Variants in MYADML2 observed in about 807,000 individuals in gnomAD.
MYADML2 encodes myeloid-associated differentiation marker-like protein 2.
In MYADML2, 17 loss-of-function variants were observed where a neutral mutation model predicts 16.0. The ratio of observed to expected loss-of-function variants is 1.06; its 90% CI spans 0.73 to 1.60. The LOEUF is 1.60. Ranked by LOEUF, MYADML2 falls within the 40% of genes most tolerant of loss-of-function variation. The pLI, the probability that MYADML2 is intolerant of heterozygous loss-of-function variation, is 0.00. For missense variants in MYADML2, 422 were observed against 437.7 expected (o/e 0.96, Z 0.32); for synonymous variants, 210 against 208.1 (o/e 1.01, Z -0.08).
At chr17:81,943,143 C>T (rs1368527163) in intron 1 of MYADML2, among the ~76,000 whole-genome samples, 2 of 151,224 alleles carry the variant, frequency 1.3e-5, no homozygotes, top group East Asian at 3.9e-4. Flanking sequence ...GATCTCTGCT[C>T]ACTGCAAGCT....
Position 81,940,605 on chromosome 17 carries a change from C to A in MYADML2, c.*213G>T, listed in dbSNP as rs190639061. 5.4e-6 allele frequency: 3 copies of A among 553,750 alleles called. No individual in the cohort carries two copies. The highest frequency in any genetic ancestry group is 6.3e-6 in the Non-Finnish European group (2 of 315,728). 34.3% of individuals were successfully genotyped at this position (553,750 alleles called of 1,614,324 possible). A position where few individuals can be genotyped will look rare whatever the true frequency, so the allele number is the denominator to read the frequency against. ...TTGGCCTAGGTGAGGCTCTCCCCTG[C>A]GTCTGCTCAGGGCCTCTGCCCTACT... On this transcript the variant is annotated 3_prime_UTR_variant, in exon 3 of 3. Coordinates refer to ENST00000409745, the MANE Select transcript of MYADML2 (RefSeq NM_001145113.3).
Position 81,941,602 on chromosome 17 carries a change from G to A in MYADML2, c.140C>T (p.Ala47Val), listed in dbSNP as rs1006895670. ...CATGCAGAAGGTGCCCTGGACGCCCGCAAAGCCACCCCGGTGGGCCACCAG... is the reference window on the plus strand; with the variant it reads ...CATGCAGAAGGTGCCCTGGACGCCCACAAAGCCACCCCGGTGGGCCACCAG... ...FSLVAHRGGFAGVQGTFCMAA... is the reference protein window; with the variant it reads ...FSLVAHRGGFVGVQGTFCMAA... The change falls in exon 3 of 3, where the codon GCG (alanine) becomes GTG (valine). Residue 47 changes from alanine to valine, a missense_variant. Coordinates refer to ENST00000409745, the MANE Select transcript of MYADML2 (RefSeq NM_001145113.3). 7 of 1,548,636 alleles carry A rather than the reference G, an allele frequency of 4.5e-6. No individual in the cohort carries two copies. The highest frequency in any genetic ancestry group is 6.1e-6 in the Non-Finnish European group (7 of 1,146,820).
chr17:81,944,107 G>A (rs1160136773), intron 1 of MYADML2, among the ~76,000 whole-genome samples: 7 of 139,710 alleles, frequency 5.0e-5, no homozygotes, highest in African/African-American at 8.2e-5. Context: ...GCTAGATTCC[G>A]TCTCAAAAAA....
chr17:81,945,240 A>T (rs575256668), intron 1 of MYADML2, among the ~76,000 whole-genome samples: 19 of 124,682 alleles, frequency 1.5e-4, no homozygotes, highest in East Asian at 8.1e-4. Flanking sequence ...GTCTATATTT[A>T]AAAAAAAAAA....
chr17:81,944,369 T>G (rs2041328279), intron 1 of MYADML2, among the ~76,000 whole-genome samples: 1 of 146,744 alleles, frequency 6.8e-6, no homozygotes, highest in Non-Finnish European at 1.5e-5. Flanking sequence ...TGAGCTGAGA[T>G]CGCAACAGAG....
At position 81,944,889 on chromosome 17, in the gene MYADML2, A is replaced by G. The variant is rs113817810; in HGVS notation, c.-181+2170T>C. Among the ~76,000 whole-genome samples the G allele has an allele frequency of 2.9e-3, 437 of 152,258 alleles. 3 individuals are homozygous for G. The highest frequency in any genetic ancestry group is 0.01 in the African/African-American group (427 of 41,562). ...GGCGGAATGCTTGGAGGGTCCTGGA[A>G]GCTCCCTGGAGAGGCCTCCAGATGA... is the stretch of plus-strand genomic sequence containing the variant. On this transcript the variant is annotated intron_variant, in intron 1 of 2. Coordinates refer to ENST00000409745, the MANE Select transcript of MYADML2 (RefSeq NM_001145113.3).
In MYADML2 at chr17:81,941,212, A is replaced by G; in HGVS notation, c.530T>C (p.Ile177Thr). The change falls in exon 3 of 3, where the codon ATC becomes ACC. Residue 177 changes from isoleucine to threonine, a missense_variant. Transcript: ENST00000409745. Reference protein sequence around the residue: ...LKIVQAFVACIIFGALVHDSR... With the variant: ...LKIVQAFVACTIFGALVHDSR... The stretch of plus-strand genomic sequence containing the variant: ...GTCATGGACCAGCGCCCCGAAGATG[A>G]TGCAGGCCACGAAGGCCTGGACGAT... The G allele has an allele frequency of 6.5e-7, 1 of 1,550,162 alleles. No homozygotes were observed. The highest frequency in any genetic ancestry group is 8.7e-7 in the Non-Finnish European group (1 of 1,146,922).
At chr17:81,943,655 A>G (rs1229049372) in intron 1 of MYADML2, among the ~76,000 whole-genome samples, 60 of 145,928 alleles carry the variant, frequency 4.1e-4, no homozygotes, top group Middle Eastern at 8.3e-3. Flanking sequence ...CGCCCGCCTC[A>G]GCCTCCCAAA....
chr17:81,941,440 G>T lies in MYADML2; in HGVS notation c.302C>A (p.Thr101Lys), dbSNP rs769718761. Reference sequence around the variant, plus strand: ...GTACAGCGGATACAGGACCGCAGCCGTCGCGCATAGCAGGGTGGCCAGCAT... The same window carrying T: ...GTACAGCGGATACAGGACCGCAGCCTTCGCGCATAGCAGGGTGGCCAGCAT... ...FAMLATLLCA[T>K]AAVLYPLYFA... Residue 101 changes from threonine to lysine, a missense_variant, in exon 3 of 3, where the codon ACG becomes AAG. Thr to Lys is a moderately conservative substitution (Grantham distance 78). Coordinates refer to ENST00000409745, the MANE Select transcript of MYADML2 (RefSeq NM_001145113.3). The T allele has an allele frequency of 1.3e-6, 2 of 1,549,426 alleles. No homozygotes were observed. Among genetic ancestry groups the T allele is most frequent in the African/African-American group, 2.7e-5 (2 of 73,160 alleles).
intron 1 of MYADML2, among the ~76,000 whole-genome samples, chr17:81,943,933 A>G (rs996557862): frequency 6.6e-6 from 1 of 151,226 alleles, no homozygotes; most frequent in Non-Finnish European, 1.5e-5. Flanking sequence ...AACATGGTGA[A>G]ACCCCATCTC....
In MYADML2 at chr17:81,940,695, A is replaced by T; in HGVS notation, c.*123T>A. 9.2e-7 allele frequency: 1 copy of T among 1,086,722 alleles called. No individual in the cohort carries two copies. The highest frequency in any genetic ancestry group is 1.3e-6 in the Non-Finnish European group (1 of 774,914). 67.3% of individuals were successfully genotyped at this position (1,086,722 alleles called of 1,614,324 possible). On this transcript the variant is annotated 3_prime_UTR_variant, in exon 3 of 3. Coordinates refer to ENST00000409745, the MANE Select transcript of MYADML2 (RefSeq NM_001145113.3). ...GGAGTGACCTCTCCCGTTGTACTTC[A>T]TCTCCCCTGAGCCCGCGGCTTCCCT...
Position 81,944,986 on chromosome 17 carries a change from C to T in MYADML2, c.-181+2073G>A, listed in dbSNP as rs568918448. ...TGGGGAAACATAAATAAAGTGTTGG[C>T]GGAGCTCGGTGGCTGACGCCTGTCA... is the stretch of plus-strand genomic sequence containing the variant. On this transcript the variant is annotated intron_variant, in intron 1 of 2. Transcript: ENST00000409745. 4.6e-4 allele frequency among the ~76,000 whole-genome samples: 70 copies of T among 152,100 alleles called. 1 individual carries two copies. The highest frequency in any genetic ancestry group is 4.9e-4 in the Non-Finnish European group (33 of 68,026).
chr17:81,946,303 C>T (rs888888078), intron 1 of MYADML2, among the ~76,000 whole-genome samples: 1 of 151,440 alleles, frequency 6.6e-6, no homozygotes, highest in Non-Finnish European at 1.5e-5. Flanking sequence ...TGCAGTCAGC[C>T]GAGATCGTGC....
chr17:81,943,608 T>C (rs1473432698), intron 1 of MYADML2, among the ~76,000 whole-genome samples: 23 of 149,392 alleles, frequency 1.5e-4, no homozygotes, highest in Non-Finnish European at 2.5e-4. Flanking sequence ...TTTCACCATG[T>C]TAGCCAGGAT....
In MYADML2 at chr17:81,941,091, C is replaced by T. The variant is rs2041298804; in HGVS notation, c.651G>A (p.Met217Ile). 1 of 1,550,374 alleles carries T rather than the reference C, an allele frequency of 6.5e-7. No homozygotes were observed. The highest frequency in any genetic ancestry group is 8.7e-7 in the Non-Finnish European group (1 of 1,146,984). The change falls in exon 3 of 3, where the codon ATG becomes ATA. Residue 217 changes from methionine to isoleucine, a missense_variant. Physicochemically the swap from Met to Ile is conservative, Grantham distance 10. Transcript: ENST00000409745. ...ATVAVVALSV[M>I]GHTGGLGCPF... ...GGCAGCCCAGGCCCCCTGTGTGGCC[C>T]ATCACACTCAGGGCCACCACGGCCA...
chr17:81,946,437 A>G (rs971941246), intron 1 of MYADML2, among the ~76,000 whole-genome samples: 29 of 151,482 alleles, frequency 1.9e-4, no homozygotes, highest in African/African-American at 7.1e-4. Flanking sequence ...TCACAAGGTC[A>G]GGAGATCGAG....
At position 81,941,692 on chromosome 17, in the gene MYADML2, G is replaced by GCGCCCAGGTGCAGGTACGCA. The variant is rs763205300; in HGVS notation, c.30_49dup (p.Ala17ValfsTer9). On this transcript the variant is annotated frameshift_variant, in exon 3 of 3. Coordinates refer to ENST00000409745, the MANE Select transcript of MYADML2 (RefSeq NM_001145113.3). LOFTEE classifies it high-confidence loss of function. Reference sequence around the variant, plus strand: ...GGCTGTGCCCACAGGGGATGTCACGGCGCCCAGGTGCAGGTACGCACCCCC... The same window carrying GCGCCCAGGTGCAGGTACGCA: ...GGCTGTGCCCACAGGGGATGTCACGGCGCCCAGGTGCAGGTACGCACGCCCAGGTGCAGGTACGCACCCCC... 56 of 1,544,698 alleles carry GCGCCCAGGTGCAGGTACGCA rather than the reference G, an allele frequency of 3.6e-5. No homozygotes were observed. The highest frequency in any genetic ancestry group is 4.9e-5 in the Non-Finnish European group (56 of 1,143,628).
chr17:81,940,644 C>G lies in MYADML2; in HGVS notation c.*174G>C. The G allele has an allele frequency of 2.9e-6, 2 of 698,912 alleles. No homozygotes were observed. Among genetic ancestry groups the G allele is most frequent in the Admixed American group, 3.0e-5 (1 of 33,858 alleles). 43.3% of individuals were successfully genotyped at this position (698,912 alleles called of 1,614,324 possible). A position where few individuals can be genotyped will look rare whatever the true frequency, so the allele number is the denominator to read the frequency against. On this transcript the variant is annotated 3_prime_UTR_variant, in exon 3 of 3. Coordinates refer to ENST00000409745, the MANE Select transcript of MYADML2 (RefSeq NM_001145113.3). Reference sequence around the variant, plus strand: ...CTCTGCCCTACTGTCCTGCCCTTGTCCCTCTGAGCCCAGTCTGGAAGTCGG... The same window carrying G: ...CTCTGCCCTACTGTCCTGCCCTTGTGCCTCTGAGCCCAGTCTGGAAGTCGG...
Position 81,941,130 on chromosome 17 carries a change from G to A in MYADML2, c.612C>T (p.Cys204=), listed in dbSNP as rs2041299128. 1 of 1,550,180 alleles carries A rather than the reference G, an allele frequency of 6.5e-7. No individual in the cohort carries two copies. The highest frequency in any genetic ancestry group is 8.7e-7 in the Non-Finnish European group (1 of 1,146,992). ...TQWCVAVYSL[C]FLATVAVVAL... is the part of the protein sequence containing the mutation. ...CCACCACGGCCACTGTGGCCAGGAA[G>A]CACAGGCTGTAGACGGCCACGCACC... Residue 204 remains cysteine (C), a synonymous_variant, in exon 3 of 3, where the codon TGC becomes TGT. Transcript: ENST00000409745.
Sources: allele counts gnomAD v4.1 joint callset (sites outside exome capture counted in the v4.1 genomes callset), GRCh38; gene constraint gnomAD v4.1.1; transcripts MANE v1.5; gene names NCBI Gene and HGNC (gene_info 2026-07-23, HGNC 2026-07-21).